The following FER variants were observed in gnomAD, a reference collection of about 807,000 sequenced individuals.
The protein encoded by FER is tyrosine-protein kinase Fer.
FER carries 63 observed loss-of-function variants against 111.0 expected under a neutral mutation model. That is an observed-to-expected ratio of 0.57 (90% CI 0.46 to 0.70). The LOEUF (loss-of-function observed/expected upper bound fraction) is 0.70, where lower values mean the gene tolerates loss of function less well. Among genes scored for constraint, FER ranks in the 30% least tolerant of loss-of-function variants. FER has a pLI of 0.00. For synonymous variants in FER, 327 were observed against 313.9 expected, an observed-to-expected ratio of 1.04 and a Z score of -0.44; for missense variants, 914 against 954.0, an observed-to-expected ratio of 0.96 and a Z score of 0.55.
At position 109,179,402 on chromosome 5, in the gene FER, A is replaced by G. The variant is rs182682765; in HGVS notation, c.2049-1345A>G. On this transcript the variant is annotated intron_variant, in intron 17 of 19. Transcript: ENST00000281092. ...TTAATATTTCTAGATTGTTTTACCA[A>G]TGGGTTTGAATATTTGTCCAATGCT... Among the ~76,000 whole-genome samples the G allele has an allele frequency of 1.0e-3, 154 of 151,052 alleles. 1 individual carries two copies. Among genetic ancestry groups the G allele is most frequent in the African/African-American group, 2.8e-3 (116 of 41,256 alleles).
At chr5:108,870,610 C>A (rs1764508952) in intron 6 of FER, among the ~76,000 whole-genome samples, 1 of 151,108 alleles carries the variant, frequency 6.6e-6, no homozygotes, top group East Asian at 1.9e-4. Context: ...AATAAGGGAG[C>A]TTTTGTACAT....
At chr5:108,759,354 A>G (rs932684901) in intron 1 of FER, among the ~76,000 whole-genome samples, 1 of 152,178 alleles carries the variant, frequency 6.6e-6, no homozygotes, top group Non-Finnish European at 1.5e-5. Flanking sequence ...TTTACTGTTC[A>G]TATGTCTACC....
rs778590818 is a variant in FER at position 109,187,494 on chromosome 5, T to C, written c.2388T>C (p.Cys796=). The change falls in exon 20 of 20, where the codon TGT becomes TGC. Residue 796 remains cysteine, a synonymous_variant. Transcript: ENST00000281092. ...PEDISKIMMK[C]WDYKPENRPK... is the part of the protein sequence containing the mutation. The stretch of plus-strand genomic sequence containing the variant: ...ATATTTCCAAAATCATGATGAAGTG[T>C]TGGGATTATAAACCTGAAAATCGCC... The C allele has an allele frequency of 5.0e-6, 8 of 1,614,130 alleles. No homozygotes were observed. Among genetic ancestry groups the C allele is most frequent in the Non-Finnish European group, 6.8e-6 (8 of 1,179,986 alleles).
chr5:109,096,218 C>T (rs956973904), intron 16 of FER, among the ~76,000 whole-genome samples: 2 of 151,882 alleles, frequency 1.3e-5, no homozygotes, highest in Non-Finnish European at 2.9e-5. Flanking sequence ...AAAATAATAG[C>T]CACCTATCAT....
intron 17 of FER, among the ~76,000 whole-genome samples, chr5:109,109,976 G>A (rs1749406439): frequency 6.6e-6 from 1 of 152,038 alleles, no homozygotes; most frequent in African/African-American, 2.4e-5. Flanking sequence ...TGCCAAATCC[G>A]GTGTTAACAA....
At chr5:108,985,669 T>C (rs1210963765) in intron 13 of FER, among the ~76,000 whole-genome samples, 3 of 152,324 alleles carry the variant, frequency 2.0e-5, no homozygotes, top group Non-Finnish European at 1.5e-5. Flanking sequence ...CTCCCACTCA[T>C]GAGTGAGAAC....
intron 17 of FER, among the ~76,000 whole-genome samples, chr5:109,119,779 A>T (rs1306585771): frequency 6.6e-6 from 1 of 152,034 alleles, no homozygotes; most frequent in Non-Finnish European, 1.5e-5. Context: ...CTTCACCAGC[A>T]TTTGTGATTG....
chr5:108,967,248 G>GA (rs1439597944), intron 13 of FER, among the ~76,000 whole-genome samples: 1 of 152,180 alleles, frequency 6.6e-6, no homozygotes, highest in Non-Finnish European at 1.5e-5. Context: ...GAAGGGTGAT[G>GA]AGGGCAGAGA....
chr5:109,044,741 C>T lies in FER; in HGVS notation c.1775C>T (p.Thr592Ile). 6.3e-7 allele frequency: 1 copy of T among 1,589,850 alleles called. No homozygotes were observed. Among genetic ancestry groups the T allele is most frequent in the Non-Finnish European group, 8.5e-7 (1 of 1,170,388 alleles). ...LKDKTSVAVK[T>I]CKEDLPQELK... Reference sequence around the variant, plus strand: ...GATAAAACTTCTGTTGCTGTTAAAACATGTAAAGAAGATCTTCCTCAGGAA... The same window carrying T: ...GATAAAACTTCTGTTGCTGTTAAAATATGTAAAGAAGATCTTCCTCAGGAA... Residue 592 changes from threonine (T) to isoleucine (I), a missense_variant, in exon 15 of 20, where the codon ACA (threonine) becomes ATA (isoleucine). By Grantham distance (89) the Thr-to-Ile change is moderately conservative (BLOSUM62 -1). This residue lies in a region of FER where 774 missense variants were observed against 782.6 expected (regional missense o/e 0.99). Transcript: ENST00000281092.
At chr5:108,940,472 C>G (rs1160328659) in intron 10 of FER, among the ~76,000 whole-genome samples, 1 of 152,068 alleles carries the variant, frequency 6.6e-6, no homozygotes, top group African/African-American at 2.4e-5. Context: ...GAAACCTCAT[C>G]AGACAGCTAA....
chr5:109,022,918 T>C (rs935317774), intron 13 of FER, among the ~76,000 whole-genome samples: 3 of 152,162 alleles, frequency 2.0e-5, no homozygotes, highest in African/African-American at 4.8e-5. Context: ...TATTATGCTA[T>C]AGATAATAGC....
At chr5:108,862,394 A>G (rs1763613226) in intron 5 of FER, among the ~76,000 whole-genome samples, 1 of 152,208 alleles carries the variant, frequency 6.6e-6, no homozygotes, top group South Asian at 2.1e-4. Flanking sequence ...CTAGAAAGAC[A>G]GATGGGTAGT....
At chr5:108,785,145 A>C (rs1024207604) in intron 2 of FER, 1 of 596,398 alleles carries the variant, frequency 1.7e-6, no homozygotes, top group African/African-American at 1.9e-5. Flanking sequence ...AATCTGGCTA[A>C]CTGCAAGCTG....
At chr5:108,887,846 T>C (rs1747411169) in intron 9 of FER, among the ~76,000 whole-genome samples, 1 of 151,802 alleles carries the variant, frequency 6.6e-6, no homozygotes, top group Admixed American at 6.6e-5. Flanking sequence ...ATACCAAGCA[T>C]ATGTCATTTA....
chr5:108,993,324 G>T (rs535693450), intron 13 of FER, among the ~76,000 whole-genome samples: 1 of 152,350 alleles, frequency 6.6e-6, no homozygotes, highest in East Asian at 1.9e-4. Flanking sequence ...ATCACTCGCG[G>T]TTAGGAGCTA....
chr5:108,950,029 G>A (rs1327729722), intron 11 of FER, among the ~76,000 whole-genome samples: 3 of 151,892 alleles, frequency 2.0e-5, no homozygotes, highest in Non-Finnish European at 4.4e-5. Flanking sequence ...AAAAGAAGTC[G>A]GAGGAAACCC....
At chr5:108,870,663 G>C (rs1011842477) in intron 6 of FER, among the ~76,000 whole-genome samples, 2 of 152,052 alleles carry the variant, frequency 1.3e-5, no homozygotes, top group Non-Finnish European at 2.9e-5. Flanking sequence ...GAAAAACCAT[G>C]CTTTGTATTT....
chr5:109,160,242 A>T (rs1755851413), intron 17 of FER, among the ~76,000 whole-genome samples: 1 of 152,132 alleles, frequency 6.6e-6, no homozygotes, highest in African/African-American at 2.4e-5. Context: ...ACTGACTGGC[A>T]CATCTGCAGA....
At chr5:108,866,941 A>G (rs998066455) in intron 5 of FER, among the ~76,000 whole-genome samples, 1 of 152,184 alleles carries the variant, frequency 6.6e-6, no homozygotes, top group Non-Finnish European at 1.5e-5. Context: ...AACTCATAAC[A>G]TTATCAGTAT....
Sources: gnomAD v4.1 joint callset for allele counts (sites outside exome capture counted in the v4.1 genomes callset) on GRCh38, gnomAD v4.1.1 for gene constraint, gnomAD v4.1.1 regional missense constraint, MANE v1.5 for transcripts, NCBI Gene and HGNC (gene_info 2026-07-23, HGNC 2026-07-21) for gene names.